Variants in FKBP11 observed in about 807,000 individuals in gnomAD.
FKBP11 encodes FKBP prolyl isomerase 11.
In FKBP11, 21 loss-of-function variants were observed where a neutral mutation model predicts 24.7. That is an observed-to-expected ratio of 0.85 (90% CI 0.60 to 1.23). The LOEUF (loss-of-function observed/expected upper bound fraction) is 1.23, where lower values mean the gene tolerates loss of function less well. FKBP11 is among the 50% of genes most tolerant of loss of function. FKBP11 has a pLI of 0.00. For missense variants in FKBP11, 245 were observed against 248.7 expected (o/e 0.99, Z 0.10); for synonymous variants, 106 against 100.6 (o/e 1.05, Z -0.32).
chr12:48,924,876 G>T, intron 2 of FKBP11, 170 bp downstream of exon 2: 1 of 1,444,146 alleles, frequency 6.9e-7, no homozygotes, highest in Non-Finnish European at 9.1e-7. Flanking sequence ...AGCAAGGAGG[G>T]AAAAGAGGCA....
In FKBP11 at chr12:48,923,844, C is replaced by T. The variant is rs1031792293; in HGVS notation, c.326G>A (p.Arg109Gln). 14 of 1,614,000 alleles carry T rather than the reference C, an allele frequency of 8.7e-6. No individual in the cohort carries two copies. The Admixed American group carries it at 1.2e-4, about 13-fold the overall frequency. The change falls in exon 5 of 6, where the codon CGA becomes CAA. Residue 109 changes from arginine (R) to glutamine (Q), a missense_variant. By Grantham distance (43) the Arg-to-Gln change is conservative. Coordinates refer to ENST00000550765, the MANE Select transcript of FKBP11 (RefSeq NM_016594.3). The stretch of plus-strand genomic sequence containing the variant: ...CAAGTGAGAAGGAATGATTGCCCTT[C>T]GCTTCTCTCTGAGGGAAGGAATGTC... ...SLLDMCVGEKRRAIIPSHLAY... is the reference protein window; with the variant it reads ...SLLDMCVGEKQRAIIPSHLAY...
upstream of FKBP11, chr12:48,931,440 G>A (rs1204895878): frequency 6.5e-7 from 1 of 1,536,084 alleles, no homozygotes; most frequent in Non-Finnish European, 8.7e-7. Context: ...GCACCCTGGA[G>A]GGACCAGAGA....
the FKBP11 span, among the ~76,000 whole-genome samples, chr12:48,932,005 A>T: frequency 2.0e-5 from 3 of 151,472 alleles, no homozygotes; most frequent in African/African-American, 7.3e-5. Flanking sequence ...CACCATGCCC[A>T]ACTAATTAAA....
At chr12:48,923,639 G>A in intron 5 of FKBP11, 143 bp downstream of exon 5, 2 of 1,563,524 alleles carry the variant, frequency 1.3e-6, no homozygotes, top group South Asian at 2.3e-5. Context: ...AGGTGGCCCT[G>A]TAGATGGAGG....
chr12:48,926,954 C>T (rs556208004), upstream of FKBP11, among the ~76,000 whole-genome samples: 22 of 152,132 alleles, frequency 1.4e-4, no homozygotes, highest in Non-Finnish European at 3.2e-4. Context: ...GGATTATAGG[C>T]ACCCACCACC....
At chr12:48,936,573 C>A in the FKBP11 span, 3 of 152,628 alleles carry the variant, frequency 2.0e-5, no homozygotes, top group African/African-American at 7.2e-5. Flanking sequence ...CACTTACTGC[C>A]CCCTGCTGGA....
intron 5 of FKBP11, chr12:48,923,423 G>GT: frequency 6.6e-7 from 1 of 1,520,854 alleles, no homozygotes; most frequent in South Asian, 1.2e-5. Context: ...GGAAGGGGTG[G>GT]GGGGTGGCTG....
intron 5 of FKBP11, chr12:48,923,340 G>C: frequency 3.5e-6 from 5 of 1,427,426 alleles, no homozygotes; most frequent in Non-Finnish European, 4.6e-6. Flanking sequence ...GGCTTTAACA[G>C]TTGCTTTTTG....
intron 2 of FKBP11, 21 bp from the exon 3 acceptor site, chr12:48,924,669 G>A: frequency 3.1e-6 from 5 of 1,609,328 alleles, no homozygotes; most frequent in Non-Finnish European, 4.3e-6. Context: ...AGAGCATCAA[G>A]AGCATACATC....
In FKBP11 at chr12:48,925,317, G is replaced by T; in HGVS notation, c.112C>A (p.Leu38Ile). Residue 38 changes from leucine (L) to isoleucine (I), a missense_variant, in exon 1 of 6, where the codon CTC (leucine) becomes ATC (isoleucine). By Grantham distance (5) the Leu-to-Ile change is conservative. Transcript: ENST00000550765. Reference sequence around the variant, plus strand: ...CTCCTCACCAGGGTCTCCACTTGGAGGGTCCGGACGGGACTTTCGGTTTCG... The same window carrying T: ...CTCCTCACCAGGGTCTCCACTTGGATGGTCCGGACGGGACTTTCGGTTTCG... Reference protein sequence around the residue: ...GLETESPVRTLQVETLVEPPE... With the variant: ...GLETESPVRTIQVETLVEPPE... 6.2e-7 allele frequency: 1 copy of T among 1,611,730 alleles called. No individual in the cohort carries two copies. The highest frequency in any genetic ancestry group is 8.5e-7 in the Non-Finnish European group (1 of 1,179,412).
At chr12:48,928,555 C>A (rs1940009771), upstream of FKBP11, among the ~76,000 whole-genome samples, 2 of 152,148 alleles carry the variant, frequency 1.3e-5, no homozygotes, top group South Asian at 4.1e-4. Flanking sequence ...TCTTGGCTCA[C>A]TGCAGCCTCC....
chr12:48,934,593 G>A, the FKBP11 span, among the ~76,000 whole-genome samples: 1 of 152,128 alleles, frequency 6.6e-6, no homozygotes, highest in African/African-American at 2.4e-5. Context: ...ATGGGAATAG[G>A]TCATCCTCTT....
At position 48,923,079 on chromosome 12, in the gene FKBP11, C is replaced by T. The variant is rs556739187; in HGVS notation, c.388+703G>A. 1.0e-3 allele frequency: 909 copies of T among 905,174 alleles called. 12 individuals are homozygous for T. The South Asian group carries it at 0.015, about 14-fold the overall frequency. 56.1% of individuals were successfully genotyped at this position (905,174 alleles called of 1,614,324 possible). A position where few individuals can be genotyped will look rare whatever the true frequency, so the allele number is the denominator to read the frequency against. ...AGGAGAATTGCTTGAACCCGGGTGG[C>T]GGAGGTTGTGGTGAGTGAAGATTGC... is the stretch of plus-strand genomic sequence containing the variant. On this transcript the variant is annotated intron_variant, in intron 5 of 5. Coordinates refer to ENST00000550765, the MANE Select transcript of FKBP11 (RefSeq NM_016594.3).
At chr12:48,932,280 T>A in the FKBP11 span, among the ~76,000 whole-genome samples, 34 of 74,336 alleles carry the variant, frequency 4.6e-4, no homozygotes, top group African/African-American at 1.2e-3. Context: ...TTTTTTTTTT[T>A]TTTTTTTTTT....
chr12:48,930,801 G>C (rs1940038206), upstream of FKBP11, among the ~76,000 whole-genome samples: 1 of 152,160 alleles, frequency 6.6e-6, no homozygotes, highest in Non-Finnish European at 1.5e-5. Flanking sequence ...GATTTGGCCA[G>C]AGACTAGAGA....
Position 48,925,039 on chromosome 12 carries a change from C to T in FKBP11, c.195+7G>A. ...CAGGCCCCGCCCCGGCCCCCCAGAC[C>T]CCTCACCGTGTAGTGTATGTGAAGC... On this transcript the variant is annotated splice_region_variant and intron_variant, in intron 2 of 5. Coordinates refer to ENST00000550765, the MANE Select transcript of FKBP11 (RefSeq NM_016594.3). 1 of 1,613,182 alleles carries T rather than the reference C, an allele frequency of 6.2e-7. No individual in the cohort carries two copies. The highest frequency in any genetic ancestry group is 1.1e-5 in the South Asian group (1 of 90,998).
chr12:48,926,573 C>T (rs1939972188), upstream of FKBP11: 1 of 145,394 alleles, frequency 6.9e-6, no homozygotes, highest in Admixed American at 7.1e-5. Flanking sequence ...GTTGCCCAGG[C>T]TGGAGTGCAA....
At chr12:48,924,198 G>A in intron 4 of FKBP11, 25 bp downstream of exon 4, 1 of 1,613,670 alleles carries the variant, frequency 6.2e-7, no homozygotes, top group African/African-American at 1.3e-5. Flanking sequence ...GGGGTACCCA[G>A]GCCCACCCCT....
chr12:48,924,610 C>T lies in FKBP11; in HGVS notation c.234G>A (p.Leu78=). The T allele has an allele frequency of 6.2e-7, 1 of 1,614,090 alleles. No homozygotes were observed. The change falls in exon 3 of 6, where the codon CTG becomes CTA. Residue 78 remains leucine (L), a synonymous_variant. Coordinates refer to ENST00000550765, the MANE Select transcript of FKBP11 (RefSeq NM_016594.3). ...GTTCTATAACCAGAGGGTCTCTGGT[C>T]AGGGAGGTGTCAATAATACGTCCAT... The part of the protein sequence containing the change: ...LVDGRIIDTS[L]TRDPLVIELG...
Sources: allele counts gnomAD v4.1 joint callset (sites outside exome capture counted in the v4.1 genomes callset), GRCh38; gene constraint gnomAD v4.1.1; transcripts MANE v1.5; gene names NCBI Gene and HGNC (gene_info 2026-07-23, HGNC 2026-07-21).